The following SDK1 variants were observed in gnomAD, a reference collection of about 807,000 sequenced individuals.
The protein encoded by SDK1 is protein sidekick-1.
A neutral mutation model predicts 245.5 loss-of-function variants in SDK1; 157 were observed. The ratio of observed to expected loss-of-function variants is 0.64; its 90% CI spans 0.56 to 0.73. The LOEUF is 0.73. Ranked by LOEUF, SDK1 falls within the 30% of genes least tolerant of loss-of-function variation. The pLI, the probability that SDK1 is intolerant of heterozygous loss-of-function variation, is 0.00. For synonymous variants in SDK1, 1,647 were observed against 1,278.5 expected, an observed-to-expected ratio of 1.29 and a Z score of -6.15; for missense variants, 3,583 against 3,002.3, an observed-to-expected ratio of 1.19 and a Z score of -4.52.
chr7:4,011,058 C>T lies in SDK1; in HGVS notation c.2224C>T (p.Arg742Trp), dbSNP rs1005693427. ...GLTPARTYQFRVCAVNEVGRG... is the reference protein window; with the variant it reads ...GLTPARTYQFWVCAVNEVGRG... ...GACTCCGGCTCGTACCTATCAATTC[C>T]GGGTGTGCGCGGTGAATGAAGTGGG... Residue 742 changes from arginine to tryptophan, a missense_variant, in exon 15 of 45, where the codon CGG becomes TGG. Coordinates refer to ENST00000404826, the MANE Select transcript of SDK1 (RefSeq NM_152744.4). The T allele has an allele frequency of 8.7e-6, 14 of 1,614,132 alleles. No homozygotes were observed. The highest frequency in any genetic ancestry group is 2.2e-5 in the South Asian group (2 of 91,078).
chr7:3,671,889 G>A (rs758624522), intron 4 of SDK1, among the ~76,000 whole-genome samples: 3 of 152,124 alleles, frequency 2.0e-5, no homozygotes, highest in Non-Finnish European at 4.4e-5. Context: ...GTTTTTGTTT[G>A]CTTGCTTGCT....
intron 4 of SDK1, among the ~76,000 whole-genome samples, chr7:3,807,674 T>C (rs533168883): frequency 2.6e-5 from 4 of 152,256 alleles, no homozygotes; most frequent in African/African-American, 9.6e-5. Flanking sequence ...CCCTGGCATG[T>C]TGTCTCACTG....
At chr7:4,029,364 C>T (rs1257029416) in intron 17 of SDK1, among the ~76,000 whole-genome samples, 1 of 151,936 alleles carries the variant, frequency 6.6e-6, no homozygotes, top group Non-Finnish European at 1.5e-5. Context: ...GCACGTGCCA[C>T]CACACCTGGC....
chr7:4,115,374 G>C (rs1320542656), intron 25 of SDK1, among the ~76,000 whole-genome samples: 1 of 152,116 alleles, frequency 6.6e-6, no homozygotes, highest in Admixed American at 6.5e-5. Context: ...AGGTATGAAG[G>C]GTTGAGATGG....
intron 13 of SDK1, among the ~76,000 whole-genome samples, chr7:3,975,583 G>T (rs1363900785): frequency 6.6e-6 from 1 of 152,198 alleles, no homozygotes; most frequent in Non-Finnish European, 1.5e-5. Flanking sequence ...CTTGCTAAGT[G>T]CTAAGCATGT....
chr7:3,767,137 C>T (rs1780277306), intron 4 of SDK1, among the ~76,000 whole-genome samples: 1 of 152,218 alleles, frequency 6.6e-6, no homozygotes, highest in Non-Finnish European at 1.5e-5. Flanking sequence ...TTCTCTAAGG[C>T]ATCTAGAGGA....
chr7:3,657,982 C>T (rs1373187813), intron 4 of SDK1, among the ~76,000 whole-genome samples: 1 of 152,160 alleles, frequency 6.6e-6, no homozygotes, highest in Non-Finnish European at 1.5e-5. Flanking sequence ...TCTCAGCCTG[C>T]CCATGAGGGT....
At chr7:3,538,773 G>A (rs148482499) in intron 1 of SDK1, among the ~76,000 whole-genome samples, 58 of 152,328 alleles carry the variant, frequency 3.8e-4, no homozygotes, top group African/African-American at 1.3e-3. Flanking sequence ...GGGCAGAAAG[G>A]CCCATTCAGG....
chr7:4,205,825 C>T (rs766514092), intron 35 of SDK1, 54 bp from the exon 36 acceptor site: 47 of 1,422,202 alleles, frequency 3.3e-5, no homozygotes, highest in Non-Finnish European at 4.1e-5. Flanking sequence ...GGCGAGGGTC[C>T]GGGCCGGCTC....
intron 5 of SDK1, among the ~76,000 whole-genome samples, chr7:3,833,121 G>A (rs1354054604): frequency 6.6e-6 from 1 of 152,218 alleles, no homozygotes; most frequent in East Asian, 1.9e-4. Context: ...TTCTAGGGAG[G>A]AAGATACAAA....
intron 1 of SDK1, among the ~76,000 whole-genome samples, chr7:3,513,973 T>C (rs1342428651): frequency 3.3e-5 from 5 of 152,242 alleles, no homozygotes; most frequent in African/African-American, 1.2e-4. Flanking sequence ...TTATTCTCTT[T>C]TATGGCTGTG....
chr7:4,077,282 C>A, intron 21 of SDK1, 93 bp downstream of exon 21: 1 of 1,259,514 alleles, frequency 7.9e-7, no homozygotes, highest in Non-Finnish European at 1.1e-6. Flanking sequence ...GTGGAAGCCA[C>A]TGAGTGCCTT....
At chr7:3,963,124 T>C in intron 9 of SDK1, among the ~76,000 whole-genome samples, 1 of 122,850 alleles carries the variant, frequency 8.1e-6, no homozygotes, top group Non-Finnish European at 1.7e-5. Context: ...GGCTCACAGC[T>C]ACCTGATCTG....
intron 4 of SDK1, among the ~76,000 whole-genome samples, chr7:3,704,740 G>A (rs1784836593): frequency 6.6e-6 from 1 of 151,940 alleles, no homozygotes; most frequent in South Asian, 2.1e-4. Context: ...TTGCTTTTGA[G>A]GTCTCAGTCA....
intron 4 of SDK1, among the ~76,000 whole-genome samples, chr7:3,711,762 G>T (rs1301231682): frequency 1.3e-5 from 2 of 152,122 alleles, no homozygotes; most frequent in Non-Finnish European, 2.9e-5. Flanking sequence ...GGCCCTGGAG[G>T]CCATTGAGGT....
chr7:3,866,834 G>T lies in SDK1; in HGVS notation c.847+45251G>T, dbSNP rs142299450. On this transcript the variant is annotated intron_variant, in intron 5 of 44. Coordinates refer to ENST00000404826, the MANE Select transcript of SDK1 (RefSeq NM_152744.4). Reference sequence around the variant, plus strand: ...GGAGGCGTAAGGACAGACTGTGAAGGACTTTGATGTCCAGGCTGAAGAGTT... The same window carrying T: ...GGAGGCGTAAGGACAGACTGTGAAGTACTTTGATGTCCAGGCTGAAGAGTT... Among the ~76,000 whole-genome samples, 674 of 152,272 alleles carry T rather than the reference G, an allele frequency of 4.4e-3. 6 individuals carry two copies. The highest frequency in any genetic ancestry group is 0.016 in the African/African-American group (653 of 41,550).
At chr7:3,329,294 C>T (rs994898130) in intron 1 of SDK1, among the ~76,000 whole-genome samples, 1 of 152,128 alleles carries the variant, frequency 6.6e-6, no homozygotes, top group African/African-American at 2.4e-5. Context: ...AGATTCTTTC[C>T]TCTCTTCTCA....
At chr7:3,458,357 T>A (rs138253687) in intron 1 of SDK1, among the ~76,000 whole-genome samples, 1 of 152,174 alleles carries the variant, frequency 6.6e-6, no homozygotes, top group South Asian at 2.1e-4. Flanking sequence ...CTATCCTAAG[T>A]GCCTAGAGCA....
At chr7:3,821,609 A>G in intron 5 of SDK1, 26 bp downstream of exon 5, 1 of 1,608,390 alleles carries the variant, frequency 6.2e-7, no homozygotes, top group Non-Finnish European at 8.5e-7. Flanking sequence ...CCAAATGGTA[A>G]TTCTGCAAGC....
Sources: gnomAD v4.1 joint callset for allele counts (sites outside exome capture counted in the v4.1 genomes callset) on GRCh38, gnomAD v4.1.1 for gene constraint, MANE v1.5 for transcripts, NCBI Gene and HGNC (gene_info 2026-07-23, HGNC 2026-07-21) for gene names.